PRRC2B: variants seen among roughly 807,000 people sequenced by gnomAD.
PRRC2B encodes the protein proline rich coiled-coil 2B, also known as protein PRRC2B.
Under a neutral mutation model 242.3 loss-of-function variants are expected in PRRC2B, and 68 were observed. The ratio of observed to expected loss-of-function variants is 0.28; its 90% CI spans 0.23 to 0.34. The LOEUF (loss-of-function observed/expected upper bound fraction) is 0.34. Ranked by LOEUF, PRRC2B falls within the 10% of genes least tolerant of loss-of-function variation. The pLI, the probability that PRRC2B is intolerant of heterozygous loss-of-function variation, is 1.00. For synonymous variants in PRRC2B, 1,228 were observed against 1,173.6 expected (o/e 1.05, Z -0.95); for missense variants, 2,835 against 2,954.8 (o/e 0.96, Z 0.94).
At position 131,495,804 on chromosome 9, in the gene PRRC2B, C is replaced by T; in HGVS notation, c.6620C>T (p.Ala2207Val). Residue 2207 changes from alanine (A) to valine (V), a missense_variant, in exon 32 of 32, where the codon GCT becomes GTT. Transcript: ENST00000683519. Reference sequence around the variant, plus strand: ...GTGAAGCTGCAGGAGGCCCCCTCGGCTGCCTCCCAGATGAAGCGAACCGGA... The same window carrying T: ...GTGAAGCTGCAGGAGGCCCCCTCGGTTGCCTCCCAGATGAAGCGAACCGGA... ...GAVKLQEAPS[A>V]ASQMKRTGAI... 6.2e-7 allele frequency: 1 copy of T among 1,613,028 alleles called. No individual in the cohort carries two copies. The highest frequency in any genetic ancestry group is 8.5e-7 in the Non-Finnish European group (1 of 1,179,116).
rs1223067369 is a variant in PRRC2B at position 131,487,189 on chromosome 9, C to T, written c.5879C>T (p.Pro1960Leu). 4 of 1,613,768 alleles carry T rather than the reference C, an allele frequency of 2.5e-6. No individual in the cohort carries two copies. Among genetic ancestry groups the T allele is most frequent in the Admixed American group, 1.7e-5 (1 of 60,008 alleles). Reference protein sequence around the residue: ...YQQAAAAQQIPISLHTSLQAQ... With the variant: ...YQQAAAAQQILISLHTSLQAQ... ...CAGGCCGCCGCTGCCCAGCAGATCCCGATCTCCCTTCACACATCTCTGCAG... is the reference window on the plus strand; with the variant it reads ...CAGGCCGCCGCTGCCCAGCAGATCCTGATCTCCCTTCACACATCTCTGCAG... The change falls in exon 27 of 32, where the codon CCG becomes CTG. Residue 1960 changes from proline to leucine, a missense_variant. Physicochemically the swap from Pro to Leu is moderately conservative, Grantham distance 98. Coordinates refer to ENST00000683519, the MANE Select transcript of PRRC2B (RefSeq NM_013318.4). The surrounding 1 kb of genome is among the most constrained non-coding windows in gnomAD (Gnocchi z 5.3).
intron 1 of PRRC2B, among the ~76,000 whole-genome samples, chr9:131,413,830 C>T (rs921692375): frequency 2.6e-5 from 4 of 152,118 alleles, no homozygotes; most frequent in African/African-American, 9.7e-5. Context: ...CACCACCACG[C>T]CCAGCTAATT....
At chr9:131,457,760 G>T (rs1943124780) in intron 10 of PRRC2B, among the ~76,000 whole-genome samples, 1 of 152,040 alleles carries the variant, frequency 6.6e-6, no homozygotes, top group Non-Finnish European at 1.5e-5. Context: ...TAAAAACACA[G>T]GTCTTTTAGA....
chr9:131,415,032 G>T (rs1837609287), intron 1 of PRRC2B, among the ~76,000 whole-genome samples: 1 of 152,048 alleles, frequency 6.6e-6, no homozygotes, highest in South Asian at 2.1e-4. Flanking sequence ...TCACTCTGTT[G>T]CCCACGCCGG....
chr9:131,495,342 G>A (rs969723835), intron 31 of PRRC2B, among the ~76,000 whole-genome samples: 1 of 152,156 alleles, frequency 6.6e-6, no homozygotes, highest in Non-Finnish European at 1.5e-5. Flanking sequence ...CGGGGGCTCC[G>A]AGACGTGCAG....
rs150008163 is a variant in PRRC2B, at chr9:131,495,895, G to A, written c.*21G>A. ...CCTGACAGTGCCTGGCTGCCACCTC[G>A]CCTCTCCCTACTGAGGACGGTGCCG... is the stretch of plus-strand genomic sequence containing the variant. On this transcript the variant is annotated 3_prime_UTR_variant, in exon 32 of 32. Coordinates refer to ENST00000683519, the MANE Select transcript of PRRC2B (RefSeq NM_013318.4). 910 of 1,596,526 alleles carry A rather than the reference G, an allele frequency of 5.7e-4. 1 individual carries two copies. Among genetic ancestry groups the A allele is most frequent in the Admixed American group, 1.0e-3 (60 of 59,772 alleles).
At chr9:131,409,824 G>A (rs1050261078) in intron 1 of PRRC2B, among the ~76,000 whole-genome samples, 12 of 152,330 alleles carry the variant, frequency 7.9e-5, no homozygotes, top group Admixed American at 4.6e-4. Context: ...TGTTTATCTG[G>A]TTAGAAGGAA....
rs754502411 is a variant in PRRC2B at position 131,447,822 on chromosome 9, G to C, written c.1120+18G>C. On this transcript the variant is annotated intron_variant, in intron 9 of 31. Transcript: ENST00000683519. ...CTGGGCAGGTGGGCAGAGAAGCACG[G>C]GTGGTTTAGACGGGCAGGACCAAAG... The C allele has an allele frequency of 1.2e-6, 2 of 1,605,734 alleles. No homozygotes were observed. Among genetic ancestry groups the C allele is most frequent in the Non-Finnish European group, 1.7e-6 (2 of 1,174,704 alleles).
rs374016385 is a variant in PRRC2B at position 131,400,810 on chromosome 9, T to C, written c.-52+6547T>C. Among the ~76,000 whole-genome samples the C allele has an allele frequency of 3.9e-5, 6 of 152,196 alleles. No homozygotes were observed. The East Asian group carries it at 9.6e-4, about 24-fold the overall frequency. ...TGAGGTCTTACTCCATTTACTGGTT[T>C]GAACCTGGAGAAGCCTTTTGTCTTA... On this transcript the variant is annotated intron_variant, in intron 1 of 31. Coordinates refer to ENST00000683519, the MANE Select transcript of PRRC2B (RefSeq NM_013318.4).
chr9:131,444,180 G>C lies in PRRC2B; in HGVS notation c.470-5G>C. 2 of 1,613,946 alleles carry C rather than the reference G, an allele frequency of 1.2e-6. No homozygotes were observed. The highest frequency in any genetic ancestry group is 8.5e-7 in the Non-Finnish European group (1 of 1,179,868). On this transcript the variant is annotated splice_polypyrimidine_tract_variant and splice_region_variant and intron_variant, in intron 5 of 31. Coordinates refer to ENST00000683519, the MANE Select transcript of PRRC2B (RefSeq NM_013318.4). The stretch of plus-strand genomic sequence containing the variant: ...TCCTCCATGTCTACCCCGTCTTCTT[G>C]ACAGGTTTAAGGGGCTCAAGCCGAC...
In PRRC2B at chr9:131,487,440, C is replaced by A; in HGVS notation, c.5984+146C>A. 1.2e-6 allele frequency: 1 copy of A among 818,160 alleles called. No individual in the cohort carries two copies. Among genetic ancestry groups the A allele is most frequent in the Non-Finnish European group, 1.9e-6 (1 of 535,694 alleles). 50.7% of individuals were successfully genotyped at this position (818,160 alleles called of 1,614,324 possible). A position where few individuals can be genotyped will look rare whatever the true frequency, so the allele number is the denominator to read the frequency against. ...GGGTGGGAGTTTGCTCTGAATCACT[C>A]TTCAGTCCGTTGTTAACTGTGCTCT... On this transcript the variant is annotated intron_variant, in intron 27 of 31. Coordinates refer to ENST00000683519, the MANE Select transcript of PRRC2B (RefSeq NM_013318.4). The surrounding 1 kb of genome is among the most constrained non-coding windows in gnomAD (Gnocchi z 5.3).
At chr9:131,491,331 ATGAATC>A in intron 28 of PRRC2B, 88 bp from the exon 29 acceptor site, 1 of 1,229,882 alleles carries the variant, frequency 8.1e-7, no homozygotes, top group Non-Finnish European at 1.1e-6. Flanking sequence ...TCTGAAGTGT[ATGAATC>A]TGAAGTGCAT....
chr9:131,382,951 C>T (rs1836779877), intron 1 of PRRC2B, among the ~76,000 whole-genome samples: 2 of 152,154 alleles, frequency 1.3e-5, no homozygotes, highest in African/African-American at 4.8e-5. Context: ...AGCCAGGCCC[C>T]CCATTCCTGT....
intron 1 of PRRC2B, among the ~76,000 whole-genome samples, chr9:131,376,585 G>A (rs1228869102): frequency 6.6e-6 from 1 of 152,118 alleles, no homozygotes; most frequent in East Asian, 1.9e-4. Context: ...CCAGAGTGAT[G>A]GGCATGCTTC....
chr9:131,423,221 C>T (rs947067941), intron 1 of PRRC2B, among the ~76,000 whole-genome samples: 6 of 152,156 alleles, frequency 3.9e-5, no homozygotes, highest in Non-Finnish European at 5.9e-5. Flanking sequence ...GCGTCTATGC[C>T]GGGTCTAGTC....
intron 1 of PRRC2B, among the ~76,000 whole-genome samples, chr9:131,398,359 C>T (rs769726648): frequency 2.6e-5 from 4 of 152,204 alleles, no homozygotes; most frequent in Non-Finnish European, 4.4e-5. Context: ...ATCCTTCGTC[C>T]GAGCTGAAGT....
Position 131,494,443 on chromosome 9 carries a change from C to T in PRRC2B, c.6512C>T (p.Ser2171Leu). Residue 2171 changes from serine (S) to leucine (L), a missense_variant, in exon 31 of 32, where the codon TCA becomes TTA. Physicochemically the swap from Ser to Leu is moderately radical, Grantham distance 145 (BLOSUM62 -2). Coordinates refer to ENST00000683519, the MANE Select transcript of PRRC2B (RefSeq NM_013318.4). This position sits in a 1 kb window ranked among gnomAD's most constrained non-coding sequence, Gnocchi z 4.3. ...SASPSGKPSGSAVNMGSVQGH... is the reference protein window; with the variant it reads ...SASPSGKPSGLAVNMGSVQGH... ...AGCCCCAGTGGGAAGCCCTCTGGAT[C>T]AGCAGTTAACATGGGCTCTGTGCAG... 6.2e-7 allele frequency: 1 copy of T among 1,606,386 alleles called. No homozygotes were observed.
chr9:131,475,868 T>C lies in PRRC2B; in HGVS notation c.3739T>C (p.Ser1247Pro), dbSNP rs2131447502. The C allele has an allele frequency of 1.2e-6, 2 of 1,613,772 alleles. No individual in the cohort carries two copies. Among genetic ancestry groups the C allele is most frequent in the Non-Finnish European group, 1.7e-6 (2 of 1,179,794 alleles). Residue 1247 changes from serine (S) to proline (P), a missense_variant, in exon 16 of 32, where the codon TCC becomes CCC. Ser to Pro is a moderately conservative substitution (Grantham distance 74). This residue lies in a region of PRRC2B where 1,536 missense variants were observed against 1,483.1 expected (regional missense o/e 1.04). Transcript: ENST00000683519. Reference protein sequence around the residue: ...QEYGPSDTCGSRRPTDRDYVP... With the variant: ...QEYGPSDTCGPRRPTDRDYVP... Reference sequence around the variant, plus strand: ...ATATGGCCCTTCCGACACATGCGGATCCCGGCGACCTACAGACAGAGACTA... The same window carrying C: ...ATATGGCCCTTCCGACACATGCGGACCCCGGCGACCTACAGACAGAGACTA...
At chr9:131,383,736 C>T (rs1156347746) in intron 1 of PRRC2B, among the ~76,000 whole-genome samples, 1 of 151,598 alleles carries the variant, frequency 6.6e-6, no homozygotes, top group African/African-American at 2.4e-5. Context: ...ATTCTCCAGC[C>T]TCAGCCTCCC....
Sources: allele counts gnomAD v4.1 joint callset (sites outside exome capture counted in the v4.1 genomes callset), GRCh38; gene constraint gnomAD v4.1.1; regional missense constraint gnomAD v4.1.1; non-coding constraint Gnocchi (gnomAD v3.1); transcripts MANE v1.5; gene names NCBI Gene and HGNC (gene_info 2026-07-23, HGNC 2026-07-21).